The following AXIN2 variants were observed in gnomAD, a reference collection of about 807,000 sequenced individuals.
The protein encoded by AXIN2 is axin 2, also known as axin-2.
Under a neutral mutation model 74.7 loss-of-function variants are expected in AXIN2, and 21 were observed. The observed-to-expected ratio is 0.28, with a 90% CI of 0.20 to 0.40. The LOEUF is 0.40. AXIN2 is among the 10% of genes least tolerant of loss of function. The pLI is 1.00. For synonymous variants in AXIN2, 532 were observed against 454.9 expected (o/e 1.17, Z -2.16); for missense variants, 1,144 against 1,111.1 (o/e 1.03, Z -0.42).
intron 10 of AXIN2, among the ~76,000 whole-genome samples, chr17:65,532,226 A>T (rs895472583): frequency 6.6e-6 from 1 of 152,184 alleles, no homozygotes; most frequent in African/African-American, 2.4e-5. Flanking sequence ...GAAAAAAAAA[A>T]AATCAGAGCC....
At chr17:65,557,576 T>C (rs2044285563) in intron 2 of AXIN2, among the ~76,000 whole-genome samples, 1 of 152,220 alleles carries the variant, frequency 6.6e-6, no homozygotes, top group Non-Finnish European at 1.5e-5. Context: ...TAGTGAATAC[T>C]GCTTGCCACT....
At chr17:65,530,420 C>T (rs956922187) in intron 10 of AXIN2, among the ~76,000 whole-genome samples, 9 of 152,196 alleles carry the variant, frequency 5.9e-5, no homozygotes, top group East Asian at 1.9e-4. Flanking sequence ...GCTTTCCCCC[C>T]GCCAACCTTT....
Position 65,534,106 on chromosome 17 carries a change from T to C in AXIN2, c.2238-27A>G, listed in dbSNP as rs373439077. The C allele has an allele frequency of 9.9e-5, 159 of 1,613,848 alleles. 2 individuals carry two copies. The African/African-American group carries it at 1.7e-3, about 17-fold the overall frequency. On this transcript the variant is annotated intron_variant, in intron 9 of 10. Transcript: ENST00000307078. ...TGAAAATAAGATGGAATGGAACAAG[T>C]TTAGCATTTTAAAGCAGACACACAT...
Position 65,540,505 on chromosome 17 carries a change from G to T in AXIN2, c.1059+950C>A, listed in dbSNP as rs369083108. On this transcript the variant is annotated intron_variant, in intron 4 of 10. Coordinates refer to ENST00000307078, the MANE Select transcript of AXIN2 (RefSeq NM_004655.4). ...CTTTCTGATAGGGAATTTTTTTTTT[G>T]AATTCAGAAAATGCAAAGGTTCAAA... is the stretch of plus-strand genomic sequence containing the variant. Among the ~76,000 whole-genome samples the T allele has an allele frequency of 1.6e-4, 24 of 150,746 alleles. No individual in the cohort carries two copies. The East Asian group carries it at 3.5e-3, about 22-fold the overall frequency.
intron 4 of AXIN2, among the ~76,000 whole-genome samples, chr17:65,539,892 G>A (rs1300629013): frequency 6.6e-6 from 1 of 152,186 alleles, no homozygotes; most frequent in East Asian, 1.9e-4. Flanking sequence ...AATGTAGATG[G>A]GGAAGTTCTC....
At chr17:65,543,075 A>G (rs1005578955) in intron 3 of AXIN2, among the ~76,000 whole-genome samples, 4 of 152,214 alleles carry the variant, frequency 2.6e-5, no homozygotes, top group Non-Finnish European at 5.9e-5. Flanking sequence ...AAACCAATGT[A>G]TGTTAACCAA....
intron 2 of AXIN2, among the ~76,000 whole-genome samples, chr17:65,554,441 C>A (rs1379869245): frequency 6.6e-6 from 1 of 152,376 alleles, no homozygotes; most frequent in African/African-American, 2.4e-5. Context: ...CGGCAAGGGG[C>A]CAGGACTCCA....
intron 1 of AXIN2, among the ~76,000 whole-genome samples, chr17:65,559,025 G>A (rs1459033955): frequency 1.3e-5 from 2 of 152,056 alleles, no homozygotes; most frequent in Non-Finnish European, 2.9e-5. Flanking sequence ...ACGGCAGGGG[G>A]ACACTGGAGG....
intron 4 of AXIN2, among the ~76,000 whole-genome samples, chr17:65,539,178 C>T (rs2044001947): frequency 6.6e-6 from 1 of 151,696 alleles, no homozygotes; most frequent in Non-Finnish European, 1.5e-5. Context: ...ATCTCGCTCC[C>T]CCCACCCAAC....
At chr17:65,560,968 G>A (rs141259512) in intron 1 of AXIN2, 2,442 of 148,590 alleles carry the variant, frequency 0.016, 26 homozygotes, top group Non-Finnish European at 0.025. Flanking sequence ...GGAGTCGTGC[G>A]GCGGGGGAGG....
chr17:65,533,763 A>G, intron 10 of AXIN2, 149 bp downstream of exon 10: 1 of 918,506 alleles, frequency 1.1e-6, no homozygotes, highest in Admixed American at 2.1e-5. Context: ...GGGAGAGAAG[A>G]AATGAGAAGG....
At chr17:65,534,168 T>A in intron 9 of AXIN2, 89 bp from the exon 10 acceptor site, 1 of 1,485,480 alleles carries the variant, frequency 6.7e-7, no homozygotes, top group Non-Finnish European at 9.4e-7. Flanking sequence ...TGTGCATAAG[T>A]GACAGGGTAT....
At chr17:65,536,734 A>C (rs2043927568) in intron 7 of AXIN2, 135 bp downstream of exon 7, 7 of 1,452,540 alleles carry the variant, frequency 4.8e-6, no homozygotes, top group Non-Finnish European at 6.7e-6. Context: ...GCTCAGTCCA[A>C]CGTTTAATAT....
intron 10 of AXIN2, among the ~76,000 whole-genome samples, chr17:65,531,413 G>T (rs1458197184): frequency 6.6e-6 from 1 of 151,940 alleles, no homozygotes; most frequent in East Asian, 1.9e-4. Flanking sequence ...ATGTCAAGGG[G>T]TCAAAATTCT....
chr17:65,544,978 G>A (rs954063446), intron 3 of AXIN2, among the ~76,000 whole-genome samples: 1 of 152,166 alleles, frequency 6.6e-6, no homozygotes, highest in African/African-American at 2.4e-5. Context: ...GAAAAGGTTA[G>A]TATTTGAAGT....
intron 4 of AXIN2, among the ~76,000 whole-genome samples, chr17:65,540,703 C>T (rs1369281228): frequency 6.6e-6 from 1 of 152,114 alleles, no homozygotes; most frequent in African/African-American, 2.4e-5. Flanking sequence ...TTTGAAAGAA[C>T]ATGGCATTGC....
intron 3 of AXIN2, among the ~76,000 whole-genome samples, chr17:65,545,544 T>C (rs1278467557): frequency 6.6e-6 from 1 of 152,032 alleles, no homozygotes; most frequent in Non-Finnish European, 1.5e-5. Context: ...AAAAATTAGC[T>C]GGGCGTGGTG....
rs2043926272 is a variant in AXIN2, at chr17:65,536,658, A to AGG, written c.1908-106_1908-105insCC. On this transcript the variant is annotated intron_variant, in intron 7 of 10. Transcript: ENST00000307078. ...ACTTGTCTATTCTGCTCAGAGAGAG[A>AGG]GTTAAAAAAAAAACTACCATAACAT... is the stretch of plus-strand genomic sequence containing the variant. The AGG allele has an allele frequency of 5.6e-6, 8 of 1,432,706 alleles. No homozygotes were observed. The South Asian group carries it at 8.3e-5, about 15-fold the overall frequency. The allele number at this position is 1,432,706 out of a possible 1,614,324, so 88.7% of individuals were successfully genotyped here. A position where few individuals can be genotyped will look rare whatever the true frequency, so the allele number is the denominator to read the frequency against.
rs2144581824 is a variant in AXIN2, at chr17:65,557,819, C to CA, written c.801dup (p.Asp268Ter). The CA allele has an allele frequency of 6.2e-7, 1 of 1,614,218 alleles. No homozygotes were observed. Among genetic ancestry groups the CA allele is most frequent in the Non-Finnish European group, 8.5e-7 (1 of 1,180,040 alleles). On this transcript the variant is annotated frameshift_variant, in exon 2 of 11. Transcript: ENST00000307078. LOFTEE classifies it high-confidence loss of function. The stretch of plus-strand genomic sequence containing the variant: ...TCAAAGTCTTACCTGTATCCACTGT[C>CA]AACAGTTTCCGTGGACCTCACACTC...
Sources: gnomAD v4.1 joint callset for allele counts (sites outside exome capture counted in the v4.1 genomes callset) on GRCh38, gnomAD v4.1.1 for gene constraint, MANE v1.5 for transcripts, NCBI Gene and HGNC (gene_info 2026-07-23, HGNC 2026-07-21) for gene names.